CNTNAP2: variants seen among roughly 807,000 people sequenced by gnomAD.
CNTNAP2 encodes the protein contactin-associated protein-like 2.
A neutral mutation model predicts 155.2 loss-of-function variants in CNTNAP2; 98 were observed. The observed-to-expected ratio is 0.63, with a 90% CI of 0.54 to 0.75. CNTNAP2 has a LOEUF of 0.75. Among genes scored for constraint, CNTNAP2 ranks in the 30% least tolerant of loss-of-function variants. CNTNAP2 has a pLI of 0.00. For missense variants in CNTNAP2, 1,727 were observed against 1,688.1 expected (o/e 1.02, Z -0.40); for synonymous variants, 651 against 631.2 (o/e 1.03, Z -0.47).
At chr7:147,300,733 C>G (rs34166730) in intron 9 of CNTNAP2, among the ~76,000 whole-genome samples, 5,264 of 152,234 alleles carry the variant, frequency 0.035, 124 homozygotes, top group South Asian at 0.052. Context: ...CAAACTGTTA[C>G]TTGTGGCTGC....
chr7:146,842,531 GAA>G (rs1803748380), intron 3 of CNTNAP2, among the ~76,000 whole-genome samples: 1 of 152,054 alleles, frequency 6.6e-6, no homozygotes, highest in African/African-American at 2.4e-5. Flanking sequence ...AATTTACGAA[GAA>G]AAGAGTTTTG....
intron 12 of CNTNAP2, among the ~76,000 whole-genome samples, chr7:147,610,612 G>A (rs748099855): frequency 2.6e-5 from 4 of 152,122 alleles, no homozygotes; most frequent in Non-Finnish European, 5.9e-5. Context: ...GTGAGGACGT[G>A]CCCTGTGAAT....
intron 17 of CNTNAP2, among the ~76,000 whole-genome samples, chr7:148,167,325 G>A (rs1243702190): frequency 6.6e-6 from 1 of 152,068 alleles, no homozygotes; most frequent in Non-Finnish European, 1.5e-5. Flanking sequence ...TTTCAGTAGA[G>A]AAGGGATTTC....
intron 3 of CNTNAP2, among the ~76,000 whole-genome samples, chr7:146,969,181 T>C (rs929822183): frequency 9.9e-5 from 15 of 152,118 alleles, no homozygotes; most frequent in Non-Finnish European, 1.9e-4. Context: ...AGAGACAGTT[T>C]GTTATAATGT....
At chr7:148,129,850 C>CACAG (rs1166826025) in intron 16 of CNTNAP2, among the ~76,000 whole-genome samples, 1 of 152,256 alleles carries the variant, frequency 6.6e-6, no homozygotes, top group Non-Finnish European at 1.5e-5. Flanking sequence ...TAAGTGAACT[C>CACAG]ACAGCCAAGC....
intron 4 of CNTNAP2, among the ~76,000 whole-genome samples, chr7:147,064,632 G>A (rs984385868): frequency 3.9e-5 from 6 of 152,064 alleles, no homozygotes; most frequent in African/African-American, 1.4e-4. Flanking sequence ...AGTTCTTATA[G>A]TGTATTTTTC....
chr7:148,187,574 C>T (rs542793135), intron 18 of CNTNAP2, among the ~76,000 whole-genome samples: 3 of 152,290 alleles, frequency 2.0e-5, no homozygotes, highest in African/African-American at 7.2e-5. Flanking sequence ...TTTTTTAAAA[C>T]TCGACATCTA....
At chr7:146,336,240 A>G (rs1221918003) in intron 1 of CNTNAP2, among the ~76,000 whole-genome samples, 6 of 151,928 alleles carry the variant, frequency 3.9e-5, no homozygotes, top group Admixed American at 2.0e-4. Flanking sequence ...ATATTTATCT[A>G]TAGTGAGACA....
intron 17 of CNTNAP2, among the ~76,000 whole-genome samples, chr7:148,155,778 G>A (rs1184357796): frequency 6.6e-6 from 1 of 152,162 alleles, no homozygotes; most frequent in Non-Finnish European, 1.5e-5. Flanking sequence ...TGGAATGGAG[G>A]GGTCCTATGT....
At chr7:147,433,567 G>T (rs1403204211) in intron 10 of CNTNAP2, among the ~76,000 whole-genome samples, 1 of 152,166 alleles carries the variant, frequency 6.6e-6, no homozygotes, top group Admixed American at 6.5e-5. Flanking sequence ...GATGACTGAG[G>T]AGGACAAGTT....
intron 1 of CNTNAP2, among the ~76,000 whole-genome samples, chr7:146,760,408 C>CTTTTTTTTTTTTTT (rs1284570579): frequency 3.8e-5 from 3 of 78,868 alleles, no homozygotes; most frequent in African/African-American, 5.9e-5. Context: ...CTCCAATTTA[C>CTTTTTTTTTTTTTT]CTTTTTTTTT....
At chr7:146,862,576 C>G (rs1795124677) in intron 3 of CNTNAP2, among the ~76,000 whole-genome samples, 1 of 152,110 alleles carries the variant, frequency 6.6e-6, no homozygotes, top group African/African-American at 2.4e-5. Flanking sequence ...TTTATGCATA[C>G]TATTTGAATG....
chr7:147,247,974 G>C (rs907042808), intron 8 of CNTNAP2, among the ~76,000 whole-genome samples: 1 of 152,002 alleles, frequency 6.6e-6, no homozygotes, highest in African/African-American at 2.4e-5. Flanking sequence ...ATAAAGAGGA[G>C]GCCAGAAAGA....
chr7:146,917,214 G>C (rs1292171864), intron 3 of CNTNAP2, among the ~76,000 whole-genome samples: 1 of 151,886 alleles, frequency 6.6e-6, no homozygotes, highest in South Asian at 2.1e-4. Context: ...TCTTAAATTT[G>C]ATTTGTGTCT....
intron 1 of CNTNAP2, among the ~76,000 whole-genome samples, chr7:146,341,041 T>C (rs1238629144): frequency 1.3e-5 from 2 of 152,212 alleles, no homozygotes; most frequent in African/African-American, 2.4e-5. Context: ...CTTTTGCCTT[T>C]CTGCAAAAGG....
chr7:148,350,291 C>T (rs1798405224), intron 21 of CNTNAP2, among the ~76,000 whole-genome samples: 1 of 152,174 alleles, frequency 6.6e-6, no homozygotes, highest in South Asian at 2.1e-4. Flanking sequence ...TTTCTGTCTA[C>T]AGCCGCAAAT....
At chr7:148,301,053 T>C (rs1797377976) in intron 21 of CNTNAP2, among the ~76,000 whole-genome samples, 1 of 152,004 alleles carries the variant, frequency 6.6e-6, no homozygotes, top group African/African-American at 2.4e-5. Context: ...CCCAGCACTT[T>C]GGGAGGCCGA....
At chr7:146,636,885 A>T (rs756152494) in intron 1 of CNTNAP2, among the ~76,000 whole-genome samples, 3 of 152,204 alleles carry the variant, frequency 2.0e-5, no homozygotes, top group Non-Finnish European at 4.4e-5. Context: ...TTTCAACTGT[A>T]TTCCAAACAT....
intron 1 of CNTNAP2, among the ~76,000 whole-genome samples, chr7:146,715,784 C>T (rs2129176125): frequency 6.6e-6 from 1 of 152,250 alleles, no homozygotes; most frequent in East Asian, 1.9e-4. Context: ...ACTTAATTGC[C>T]TGTTTAAAGG....
Sources: allele counts gnomAD v4.1 joint callset (sites outside exome capture counted in the v4.1 genomes callset), GRCh38; gene constraint gnomAD v4.1.1; transcripts MANE v1.5; gene names NCBI Gene and HGNC (gene_info 2026-07-23, HGNC 2026-07-21).